STX1A: variants seen among roughly 807,000 people sequenced by gnomAD.
STX1A encodes the protein syntaxin 1A.
STX1A carries 4 observed loss-of-function variants against 37.8 expected under a neutral mutation model. That is an observed-to-expected ratio of 0.11 (90% CI 0.05 to 0.24). STX1A has a LOEUF of 0.24. Among genes scored for constraint, STX1A ranks in the 10% least tolerant of loss-of-function variants. The pLI is 1.00. For synonymous variants in STX1A, 135 were observed against 147.4 expected (o/e 0.92, Z 0.61); for missense variants, 251 against 399.9 (o/e 0.63, Z 3.18).
chr7:73,716,369 C>T (rs899947770), intron 1 of STX1A, among the ~76,000 whole-genome samples: 10 of 152,240 alleles, frequency 6.6e-5, no homozygotes, highest in Non-Finnish European at 1.2e-4. Flanking sequence ...TTCCCAGCAA[C>T]GAAAGAGAAG....
In STX1A at chr7:73,700,400, G is replaced by A. The variant is rs782155505; in HGVS notation, c.*7C>T. The A allele has an allele frequency of 1.9e-6, 3 of 1,613,932 alleles. No homozygotes were observed. Among genetic ancestry groups the A allele is most frequent in the African/African-American group, 2.7e-5 (2 of 74,910 alleles). On this transcript the variant is annotated 3_prime_UTR_variant, in exon 10 of 10. Transcript: ENST00000222812. This position sits in a 1 kb window ranked among gnomAD's most constrained non-coding sequence, Gnocchi z 4.4. Reference sequence around the variant, plus strand: ...CACCTGGAGTGGAGTGGCAGTTTGGGTGGCTTCTAGGCGAAGATGCCCCCA... The same window carrying A: ...CACCTGGAGTGGAGTGGCAGTTTGGATGGCTTCTAGGCGAAGATGCCCCCA...
chr7:73,700,669 G>A lies in STX1A; in HGVS notation c.789+61C>T. 5 of 1,599,404 alleles carry A rather than the reference G, an allele frequency of 3.1e-6. No homozygotes were observed. Among genetic ancestry groups the A allele is most frequent in the Non-Finnish European group, 4.3e-6 (5 of 1,171,140 alleles). ...AGAGGTGGGATGGGGAGGGATGTGG[G>A]ATGGTTGGGGGTCCCTAATGGGTGC... On this transcript the variant is annotated intron_variant, in intron 9 of 9. Transcript: ENST00000222812. This position sits in a 1 kb window ranked among gnomAD's most constrained non-coding sequence, Gnocchi z 4.4.
chr7:73,704,069 G>C (rs1047907823), intron 6 of STX1A, 79 bp downstream of exon 6: 2 of 1,448,120 alleles, frequency 1.4e-6, no homozygotes, highest in African/African-American at 1.4e-5. Context: ...CAGCAGCCTT[G>C]AGCCACGCAC....
At chr7:73,703,220 G>T (rs1249258072) in intron 7 of STX1A, among the ~76,000 whole-genome samples, 1 of 152,190 alleles carries the variant, frequency 6.6e-6, no homozygotes, top group Admixed American at 6.5e-5. Context: ...TTCCACCTGT[G>T]CTGGCCACAG....
At position 73,699,455 on chromosome 7, in the gene STX1A, G is replaced by T. The variant is rs535361482; in HGVS notation, c.*952C>A. ...CAAGGGAGAGGGTCCTGGGGCGGGG[G>T]CACATTTCCCATGAGAAGCCCCAAG... is the stretch of plus-strand genomic sequence containing the variant. On this transcript the variant is annotated 3_prime_UTR_variant, in exon 10 of 10. Coordinates refer to ENST00000222812, the MANE Select transcript of STX1A (RefSeq NM_004603.4). 1 of 152,694 alleles carries T rather than the reference G, an allele frequency of 6.5e-6. No homozygotes were observed. The highest frequency in any genetic ancestry group is 2.4e-5 in the African/African-American group (1 of 41,454). 9.5% of individuals were successfully genotyped at this position (152,694 alleles called of 1,614,324 possible). A position where few individuals can be genotyped will look rare whatever the true frequency, so the allele number is the denominator to read the frequency against.
rs1418423560 is a variant in STX1A, at chr7:73,706,884, G to A, written c.209-1660C>T. ...GAGCTCAGCGTGGTGAGCCCTGGGC[G>A]TCCCTCTCTCCCTCCTGCCCTTCCT... On this transcript the variant is annotated intron_variant, in intron 3 of 9. Coordinates refer to ENST00000222812, the MANE Select transcript of STX1A (RefSeq NM_004603.4). This position sits in a 1 kb window ranked among gnomAD's most constrained non-coding sequence, Gnocchi z 4.6. Among the ~76,000 whole-genome samples, 5 of 152,140 alleles carry A rather than the reference G, an allele frequency of 3.3e-5. No individual in the cohort carries two copies. Among genetic ancestry groups the A allele is most frequent in the African/African-American group, 7.2e-5 (3 of 41,424 alleles).
chr7:73,704,367 T>C lies in STX1A; in HGVS notation c.340A>G (p.Arg114Gly). The C allele has an allele frequency of 6.2e-7, 1 of 1,614,146 alleles. No individual in the cohort carries two copies. The highest frequency in any genetic ancestry group is 8.5e-7 in the Non-Finnish European group (1 of 1,180,010). Reference protein sequence around the residue: ...EGLNRSSADLRIRKTQHSTLS... With the variant: ...EGLNRSSADLGIRKTQHSTLS... ...GGCCGCACCTGTGTCTTCCGGATCC[T>C]CAGGTCAGCGGAGGAGCGGTTCAGG... Residue 114 changes from arginine to glycine, a missense_variant, in exon 5 of 10, where the codon AGG (arginine) becomes GGG (glycine). Arg to Gly is a moderately radical substitution (Grantham distance 125, BLOSUM62 -2). Around this residue, in one of 2 missense-constraint regions of STX1A, gnomAD observed 214 missense variants for 367.6 expected, o/e 0.58. Transcript: ENST00000222812.
At chr7:73,716,479 A>AG (rs1239627491) in intron 1 of STX1A, 2 of 152,422 alleles carry the variant, frequency 1.3e-5, no homozygotes, top group East Asian at 3.9e-4. Flanking sequence ...AAGGCACTTC[A>AG]GGGGGCCCCA....
chr7:73,708,093 G>A (rs1370877522), intron 3 of STX1A, among the ~76,000 whole-genome samples: 3 of 145,246 alleles, frequency 2.1e-5, no homozygotes, highest in Non-Finnish European at 3.0e-5. Flanking sequence ...GTGAAACCCC[G>A]TCTCTACTAA....
Position 73,719,643 on chromosome 7 carries a change from T to A in STX1A, c.-12A>T, listed in dbSNP as rs1799426889. 1.7e-6 allele frequency: 2 copies of A among 1,172,178 alleles called. No individual in the cohort carries two copies. Among genetic ancestry groups the A allele is most frequent in the African/African-American group, 1.6e-5 (1 of 61,718 alleles). 72.6% of individuals were successfully genotyped at this position (1,172,178 alleles called of 1,614,324 possible). A position where few individuals can be genotyped will look rare whatever the true frequency, so the allele number is the denominator to read the frequency against. ...GTTCGGTCCTTCATGCTCCCGGGAG[T>A]GGCAGCGGCGCCGGCTGCAGCCGTG... On this transcript the variant is annotated 5_prime_UTR_variant, in exon 1 of 10. Transcript: ENST00000222812.
At chr7:73,715,229 C>A (rs774050634) in intron 1 of STX1A, among the ~76,000 whole-genome samples, 1 of 152,002 alleles carries the variant, frequency 6.6e-6, no homozygotes. Flanking sequence ...CGAGGCCATC[C>A]TGCCCAACAT....
Position 73,705,072 on chromosome 7 carries a change from C to T in STX1A, c.283+78G>A, listed in dbSNP as rs782472155. The T allele has an allele frequency of 9.6e-5, 134 of 1,400,374 alleles. 2 individuals are homozygous for T. The Middle Eastern group carries it at 4.5e-3, about 47-fold the overall frequency. The allele number at this position is 1,400,374 out of a possible 1,614,324, so 86.7% of individuals were successfully genotyped here. On this transcript the variant is annotated intron_variant, in intron 4 of 9. Transcript: ENST00000222812. The surrounding 1 kb of genome is among the most constrained non-coding windows in gnomAD (Gnocchi z 5.2). ...CAAGATCCGGCGCACCCCCTCAGGGCGAGCAAAACCCCATGGGCTCCGCAG... is the reference window on the plus strand; with the variant it reads ...CAAGATCCGGCGCACCCCCTCAGGGTGAGCAAAACCCCATGGGCTCCGCAG...
chr7:73,712,479 A>G (rs1340066799), intron 1 of STX1A, among the ~76,000 whole-genome samples: 3 of 150,950 alleles, frequency 2.0e-5, no homozygotes, highest in Non-Finnish European at 3.0e-5. Context: ...TGCCCCCCCA[A>G]ATCAGTATCT....
At chr7:73,703,920 T>G (rs1244362854) in intron 6 of STX1A, 92 bp from the exon 7 acceptor site, 33 of 1,184,682 alleles carry the variant, frequency 2.8e-5, no homozygotes, top group Non-Finnish European at 3.3e-5. Flanking sequence ...AGGCCCGGGC[T>G]CCCCCCAGCC....
rs377591147 is a variant in STX1A, at chr7:73,709,179, C to T, written c.31-57G>A. 1.4e-5 allele frequency: 22 copies of T among 1,562,218 alleles called. No homozygotes were observed. Among genetic ancestry groups the T allele is most frequent in the South Asian group, 5.5e-5 (5 of 90,098 alleles). ...TATGTACAGGACCCACCTGTACACACGCAGGTGCCCAGGGTACAGCGCCAG... is the reference window on the plus strand; with the variant it reads ...TATGTACAGGACCCACCTGTACACATGCAGGTGCCCAGGGTACAGCGCCAG... On this transcript the variant is annotated intron_variant, in intron 1 of 9. Coordinates refer to ENST00000222812, the MANE Select transcript of STX1A (RefSeq NM_004603.4). The surrounding 1 kb of genome is among the most constrained non-coding windows in gnomAD (Gnocchi z 4.2).
At position 73,699,237 on chromosome 7, in the gene STX1A, A is replaced by C. The variant is rs1554615420; in HGVS notation, c.*1170T>G. 2 of 152,672 alleles carry C rather than the reference A, an allele frequency of 1.3e-5. No homozygotes were observed. The highest frequency in any genetic ancestry group is 4.8e-5 in the African/African-American group (2 of 41,462). The allele number at this position is 152,672 out of a possible 1,614,324, so 9.5% of individuals were successfully genotyped here. Reference sequence around the variant, plus strand: ...CAGATACAAATGTTTATTCTACATAAAAATTTCACAAAATGGGCAGCTGGT... The same window carrying C: ...CAGATACAAATGTTTATTCTACATACAAATTTCACAAAATGGGCAGCTGGT... On this transcript the variant is annotated 3_prime_UTR_variant, in exon 10 of 10. Coordinates refer to ENST00000222812, the MANE Select transcript of STX1A (RefSeq NM_004603.4).
rs781942414 is a variant in STX1A, at chr7:73,702,857, G to A, written c.666C>T (p.Leu222=). 2.5e-6 allele frequency: 4 copies of A among 1,613,818 alleles called. No individual in the cohort carries two copies. Among genetic ancestry groups the A allele is most frequent in the South Asian group, 1.1e-5 (1 of 91,078 alleles). ...LHDMFMDMAM[L]VESQGEMIDR... ...GCCCGGCACTCACCTGGCTCTCCAC[G>A]AGCATGGCCATGTCCATGAACATGT... The change falls in exon 8 of 10, where the codon CTC becomes CTT. Residue 222 remains leucine, a synonymous_variant. Transcript: ENST00000222812. This position sits in a 1 kb window ranked among gnomAD's most constrained non-coding sequence, Gnocchi z 4.7.
chr7:73,700,002 T>C lies in STX1A; in HGVS notation c.*405A>G, dbSNP rs1183631400. 1.1e-5 allele frequency: 3 copies of C among 261,158 alleles called. No individual in the cohort carries two copies. The highest frequency in any genetic ancestry group is 5.1e-5 in the South Asian group (1 of 19,728). The allele number at this position is 261,158 out of a possible 1,614,324, so 16.2% of individuals were successfully genotyped here. On this transcript the variant is annotated 3_prime_UTR_variant, in exon 10 of 10. Transcript: ENST00000222812. The surrounding 1 kb of genome is among the most constrained non-coding windows in gnomAD (Gnocchi z 4.4). ...AGCTGGTCCCCACCCCTCAGGGCTC[T>C]GCTTGTGGGGACAGCTGGAGAGGAC...
intron 1 of STX1A, among the ~76,000 whole-genome samples, chr7:73,712,329 A>G (rs1191025931): frequency 1.7e-5 from 1 of 58,192 alleles, no homozygotes; most frequent in African/African-American, 7.1e-5. Flanking sequence ...CCACTCCCCC[A>G]CACCTACAAC....
Sources: gnomAD v4.1 joint callset for allele counts (sites outside exome capture counted in the v4.1 genomes callset) on GRCh38, gnomAD v4.1.1 for gene constraint, gnomAD v4.1.1 regional missense constraint, Gnocchi (gnomAD v3.1) non-coding constraint, MANE v1.5 for transcripts, NCBI Gene and HGNC (gene_info 2026-07-23, HGNC 2026-07-21) for gene names.